The following KDM6B variants were observed in gnomAD, a reference collection of about 807,000 sequenced individuals.
The protein encoded by KDM6B is lysine-specific demethylase 6B.
Under a neutral mutation model 150.4 loss-of-function variants are expected in KDM6B, and 22 were observed. The observed-to-expected ratio is 0.15, with a 90% CI of 0.10 to 0.21. The LOEUF (loss-of-function observed/expected upper bound fraction) is 0.21, where lower values mean the gene tolerates loss of function less well. KDM6B is among the 10% of genes least tolerant of loss of function. The probability of loss-of-function intolerance (pLI) is 1.00; values close to 1 mark genes in which losing one functional copy is unlikely to be tolerated. For synonymous variants in KDM6B, 1,148 were observed against 921.1 expected (o/e 1.25, Z -4.46); for missense variants, 1,984 against 2,234.3 (o/e 0.89, Z 2.26).
intron 1 of KDM6B, among the ~76,000 whole-genome samples, chr17:7,835,230 A>G (rs2078310214): frequency 6.6e-6 from 1 of 151,792 alleles, no homozygotes; most frequent in South Asian, 2.1e-4. Context: ...GGCTGGGGTA[A>G]ATAGTGGGGA....
At position 7,854,526 on chromosome 17, in the gene KDM6B, C is replaced by A. The variant is rs2078772973; in HGVS notation, c.*1005C>A. 6.6e-6 allele frequency: 1 copy of A among 152,662 alleles called. No homozygotes were observed. The allele number at this position is 152,662 out of a possible 1,614,324, so 9.5% of individuals were successfully genotyped here. On this transcript the variant is annotated 3_prime_UTR_variant, in exon 24 of 24. Coordinates refer to ENST00000448097, the MANE Select transcript of KDM6B (RefSeq NM_001348716.2). ...AAAACACAGACCTTCACCCCCACCC[C>A]CTTTTCTTTTTAAGTGTGAAACAAC... is the stretch of plus-strand genomic sequence containing the variant.
intron 18 of KDM6B, 58 bp from the exon 19 acceptor site, chr17:7,851,893 T>A: frequency 6.2e-7 from 1 of 1,600,590 alleles, no homozygotes. Flanking sequence ...AGGGCGGGGC[T>A]ATCGGGGATC....
intron 1 of KDM6B, among the ~76,000 whole-genome samples, chr17:7,835,087 G>A (rs1323747172): frequency 6.6e-6 from 1 of 152,014 alleles, no homozygotes; most frequent in African/African-American, 2.4e-5. Flanking sequence ...CCCCCGCCCC[G>A]GTCCGAGGGA....
chr17:7,834,956 C>T (rs988353996), intron 1 of KDM6B, among the ~76,000 whole-genome samples: 1 of 152,052 alleles, frequency 6.6e-6, no homozygotes, highest in African/African-American at 2.4e-5. Flanking sequence ...CCGCCGTTCC[C>T]GAACCCTAGC....
rs770518499 is a variant in KDM6B at position 7,851,574 on chromosome 17, G to A, written c.4016+25G>A. Reference sequence around the variant, plus strand: ...GGTCAGTGGGGCTGAGGCCAGGGAAGTTGGGGCAGGAGTGCTGCTAGGACC... The same window carrying A: ...GGTCAGTGGGGCTGAGGCCAGGGAAATTGGGGCAGGAGTGCTGCTAGGACC... On this transcript the variant is annotated intron_variant, in intron 17 of 23. Transcript: ENST00000448097. The A allele has an allele frequency of 1.9e-6, 3 of 1,613,048 alleles. No individual in the cohort carries two copies. In the South Asian group the frequency reaches 3.3e-5, roughly 18 times the overall value.
rs2078478435 is a variant in KDM6B at position 7,844,085 on chromosome 17, C to T, written c.-268-816C>T. The T allele has an allele frequency of 7.1e-6, 1 of 141,754 alleles. No individual in the cohort carries two copies. Among genetic ancestry groups the T allele is most frequent in the African/African-American group, 2.6e-5 (1 of 38,316 alleles). 8.8% of individuals were successfully genotyped at this position (141,754 alleles called of 1,614,324 possible). A position where few individuals can be genotyped will look rare whatever the true frequency, so the allele number is the denominator to read the frequency against. ...CCCCCCCCCGCAGTACATTTACACA[C>T]ACCGCTTCCGCTGCGCAAGTAGCCA... On this transcript the variant is annotated intron_variant, in intron 2 of 23. Transcript: ENST00000448097. This position sits in a 1 kb window ranked among gnomAD's most constrained non-coding sequence, Gnocchi z 5.9.
chr17:7,835,766 A>T, intron 1 of KDM6B, among the ~76,000 whole-genome samples: 1 of 112,764 alleles, frequency 8.9e-6, no homozygotes, highest in Middle Eastern at 4.2e-3. Context: ...CCTGCGCCGC[A>T]CGCGCCCGAG....
rs1216458476 is a variant in KDM6B, at chr17:7,851,414, C to G, written c.3944+20C>G. Reference sequence around the variant, plus strand: ...TCCTAGGTACTGTGCAGGTGTGCCCCTTCTGTTCCTGCTTCCTTCCCCTCC... The same window carrying G: ...TCCTAGGTACTGTGCAGGTGTGCCCGTTCTGTTCCTGCTTCCTTCCCCTCC... On this transcript the variant is annotated intron_variant, in intron 16 of 23. Transcript: ENST00000448097. The G allele has an allele frequency of 1.9e-6, 3 of 1,614,068 alleles. No homozygotes were observed. The African/African-American group carries it at 4.0e-5, about 22-fold the overall frequency.
In KDM6B at chr17:7,844,150, GCGGGGGCCA is replaced by G. The variant is rs1047759419; in HGVS notation, c.-268-748_-268-740del. 3.3e-5 allele frequency: 5 copies of G among 152,052 alleles called. No individual in the cohort carries two copies. The highest frequency in any genetic ancestry group is 1.2e-4 in the African/African-American group (5 of 41,402). The allele number at this position is 152,052 out of a possible 1,614,324, so 9.4% of individuals were successfully genotyped here. A position where few individuals can be genotyped will look rare whatever the true frequency, so the allele number is the denominator to read the frequency against. On this transcript the variant is annotated intron_variant, in intron 2 of 23. Transcript: ENST00000448097. This position sits in a 1 kb window ranked among gnomAD's most constrained non-coding sequence, Gnocchi z 5.9. ...CCCGAAATCCCCCCTCCCTTGGGGG[GCGGGGGCCA>G]CGTGGGCCGTGGGGAACCGCGTGGC... is the stretch of plus-strand genomic sequence containing the variant.
At chr17:7,841,499 G>C (rs2078413309) in intron 2 of KDM6B, among the ~76,000 whole-genome samples, 1 of 152,228 alleles carries the variant, frequency 6.6e-6, no homozygotes, top group Admixed American at 6.5e-5. Context: ...GTGATGCAGA[G>C]GCAGACCCAG....
At position 7,848,955 on chromosome 17, in the gene KDM6B, C is replaced by G; in HGVS notation, c.2667C>G (p.Val889=). The part of the protein sequence containing the change: ...ARERRAGEEP[V]PGPMTPTQPP... Reference sequence around the variant, plus strand: ...AGCGCAGGGCGGGCGAAGAGCCAGTCCCGGGCCCCATGACCCCCACCCAAC... The same window carrying G: ...AGCGCAGGGCGGGCGAAGAGCCAGTGCCGGGCCCCATGACCCCCACCCAAC... The change falls in exon 12 of 24, where the codon GTC becomes GTG. Residue 889 remains valine, a synonymous_variant. Transcript: ENST00000448097. 6.3e-7 allele frequency: 1 copy of G among 1,586,532 alleles called. No homozygotes were observed. The highest frequency in any genetic ancestry group is 8.6e-7 in the Non-Finnish European group (1 of 1,166,140).
intron 1 of KDM6B, among the ~76,000 whole-genome samples, chr17:7,837,787 A>G (rs2078353650): frequency 6.6e-6 from 1 of 152,170 alleles, no homozygotes; most frequent in Admixed American, 6.5e-5. Flanking sequence ...TTGTTATGAA[A>G]TACTTTTATT....
rs889550599 is a variant in KDM6B at position 7,844,693 on chromosome 17, G to A, written c.-268-208G>A. Among the ~76,000 whole-genome samples the A allele has an allele frequency of 2.0e-5, 3 of 152,170 alleles. No individual in the cohort carries two copies. The highest frequency in any genetic ancestry group is 4.4e-5 in the Non-Finnish European group (3 of 68,032). Reference sequence around the variant, plus strand: ...GGCCCCCACGCCGGCCGGAGCATGCGACTAACCGGCCTCATCCGCATGCGT... The same window carrying A: ...GGCCCCCACGCCGGCCGGAGCATGCAACTAACCGGCCTCATCCGCATGCGT... On this transcript the variant is annotated intron_variant, in intron 2 of 23. Transcript: ENST00000448097. This position sits in a 1 kb window ranked among gnomAD's most constrained non-coding sequence, Gnocchi z 5.9.
rs2078458708 is a variant in KDM6B at position 7,843,437 on chromosome 17, G to A, written c.-268-1464G>A. 6.6e-6 allele frequency among the ~76,000 whole-genome samples: 1 copy of A among 152,204 alleles called. No individual in the cohort carries two copies. Among genetic ancestry groups the A allele is most frequent in the Non-Finnish European group, 1.5e-5 (1 of 68,038 alleles). ...GTCCGCGGGGCCCAAGCGACCACAAGGGCTTGGCGGAGAGTGGCACGCAGG... is the reference window on the plus strand; with the variant it reads ...GTCCGCGGGGCCCAAGCGACCACAAAGGCTTGGCGGAGAGTGGCACGCAGG... On this transcript the variant is annotated intron_variant, in intron 2 of 23. Transcript: ENST00000448097. This position sits in a 1 kb window ranked among gnomAD's most constrained non-coding sequence, Gnocchi z 4.5.
chr17:7,853,250 G>A lies in KDM6B; in HGVS notation c.4778G>A (p.Gly1593Asp). 1.2e-6 allele frequency: 2 copies of A among 1,610,746 alleles called. No individual in the cohort carries two copies. The highest frequency in any genetic ancestry group is 1.7e-5 in the Admixed American group (1 of 59,734). The change falls in exon 23 of 24, where the codon GGC becomes GAC. Residue 1593 changes from glycine (G) to aspartate (D), a missense_variant. Gly to Asp is a moderately conservative substitution (Grantham distance 94). Around this residue, in one of 13 missense-constraint regions of KDM6B, gnomAD observed 58 missense variants for 76.4 expected, o/e 0.76. Transcript: ENST00000448097. ...ATCCTGTTCGTGACAAGTGAGAATG[G>A]CAGCCGCAACACGTACCTGGTACAC... ...FNILFVTSEN[G>D]SRNTYLVHCE...
In KDM6B at chr17:7,844,568, TGTCGTCCGTCG is replaced by T. The variant is rs886430840; in HGVS notation, c.-268-329_-268-319del. Among the ~76,000 whole-genome samples, 10 of 152,176 alleles carry T rather than the reference TGTCGTCCGTCG, an allele frequency of 6.6e-5. No homozygotes were observed. The highest frequency in any genetic ancestry group is 1.3e-4 in the Non-Finnish European group (9 of 68,030). On this transcript the variant is annotated intron_variant, in intron 2 of 23. Coordinates refer to ENST00000448097, the MANE Select transcript of KDM6B (RefSeq NM_001348716.2). This position sits in a 1 kb window ranked among gnomAD's most constrained non-coding sequence, Gnocchi z 5.9. ...GTCTTTTTTGCGTTCTGCATCCGTC[TGTCGTCCGTCG>T]GTCTTACGGTGGCCGGGCGTGGGGC...
chr17:7,852,720 A>G (rs2078723873), intron 21 of KDM6B, 84 bp downstream of exon 21: 29 of 1,569,140 alleles, frequency 1.8e-5, no homozygotes, highest in Non-Finnish European at 2.3e-5. Flanking sequence ...CCCCATTTTT[A>G]CCTCTCTCCA....
At chr17:7,846,377 G>GGGCGGGC in intron 7 of KDM6B, 23 bp from the exon 8 acceptor site, 2 of 1,479,484 alleles carry the variant, frequency 1.4e-6, no homozygotes, top group Non-Finnish European at 1.8e-6. Context: ...ATCTGCCCCT[G>GGGCGGGC]CCCCGTGTCC....
At chr17:7,842,296 G>T (rs2078433457) in intron 2 of KDM6B, among the ~76,000 whole-genome samples, 1 of 152,206 alleles carries the variant, frequency 6.6e-6, no homozygotes, top group African/African-American at 2.4e-5. Flanking sequence ...GCTTCGCCGG[G>T]AGTGCCCGGA....
Sources: gnomAD v4.1 joint callset for allele counts (sites outside exome capture counted in the v4.1 genomes callset) on GRCh38, gnomAD v4.1.1 for gene constraint, gnomAD v4.1.1 regional missense constraint, Gnocchi (gnomAD v3.1) non-coding constraint, MANE v1.5 for transcripts, NCBI Gene and HGNC (gene_info 2026-07-23, HGNC 2026-07-21) for gene names.